MYO16: variants seen among roughly 807,000 people sequenced by gnomAD.
The protein encoded by MYO16 is unconventional myosin-XVI.
MYO16 carries 94 observed loss-of-function variants against 205.3 expected under a neutral mutation model. The ratio of observed to expected loss-of-function variants is 0.46; its 90% CI spans 0.39 to 0.54. MYO16 has a LOEUF of 0.54. MYO16 is among the 20% of genes least tolerant of loss of function. MYO16 has a pLI of 0.00. For synonymous variants in MYO16, 988 were observed against 954.0 expected, an observed-to-expected ratio of 1.04 and a Z score of -0.66; for missense variants, 2,315 against 2,387.5, an observed-to-expected ratio of 0.97 and a Z score of 0.63.
intron 4 of MYO16, among the ~76,000 whole-genome samples, chr13:108,754,192 GGACAAGCTGTAGCATGCAA>G (rs1395593242): frequency 0.032 from 4,867 of 151,626 alleles, 299 homozygotes; most frequent in African/African-American, 0.11. Flanking sequence ...GTAGCATGCA[GGACAAGCTGTAGCATGCAA>G]GACAAGCTGT....
chr13:108,780,601 A>T (rs1886270547), intron 4 of MYO16, among the ~76,000 whole-genome samples: 1 of 152,232 alleles, frequency 6.6e-6, no homozygotes, highest in South Asian at 2.1e-4. Context: ...AAGGAAGGTC[A>T]GAAAATTTAG....
At chr13:109,119,343 G>A (rs1875874555) in intron 28 of MYO16, among the ~76,000 whole-genome samples, 1 of 152,160 alleles carries the variant, frequency 6.6e-6, no homozygotes, top group Admixed American at 6.5e-5. Context: ...CACTTTAATG[G>A]TGTTTGTCTC....
chr13:108,549,727 C>A, the MYO16 span, among the ~76,000 whole-genome samples: 1 of 151,948 alleles, frequency 6.6e-6, no homozygotes, highest in Non-Finnish European at 1.5e-5. Context: ...TTGAGATGAA[C>A]AACTTTCAGA....
At chr13:108,935,819 GTT>G (rs796450434) in intron 16 of MYO16, among the ~76,000 whole-genome samples, 4 of 145,582 alleles carry the variant, frequency 2.7e-5, no homozygotes, top group African/African-American at 1.0e-4. Flanking sequence ...TTTCTTGAGG[GTT>G]TTTTTTTTTA....
At chr13:109,202,048 G>C (rs1268307872) in intron 34 of MYO16, among the ~76,000 whole-genome samples, 1 of 151,460 alleles carries the variant, frequency 6.6e-6, no homozygotes, top group Non-Finnish European at 1.5e-5. Flanking sequence ...CATATATGGG[G>C]TATATATATA....
At chr13:108,885,399 T>G (rs920079729) in intron 13 of MYO16, among the ~76,000 whole-genome samples, 4 of 151,572 alleles carry the variant, frequency 2.6e-5, no homozygotes, top group Non-Finnish European at 5.9e-5. Flanking sequence ...GGATTACAGG[T>G]GTGAGCTACT....
chr13:108,623,764 A>G (rs1200991104), intron 1 of MYO16, among the ~76,000 whole-genome samples: 8 of 152,156 alleles, frequency 5.3e-5, no homozygotes, highest in Admixed American at 5.2e-4. Context: ...TGGACTTCAT[A>G]GGAAATAGGA....
chr13:109,034,644 T>C lies in MYO16; in HGVS notation c.2797-12272T>C, dbSNP rs115739596. Among the ~76,000 whole-genome samples the C allele has an allele frequency of 2.5e-3, 386 of 152,302 alleles. 5 individuals carry two copies. The highest frequency in any genetic ancestry group is 8.8e-3 in the African/African-American group (367 of 41,572). On this transcript the variant is annotated intron_variant, in intron 23 of 34. Transcript: ENST00000457511. ...ACAACATGTAACATATTTTACAAAATATTTTTAAAAGGTTAGTCCCTGCTG... is the reference window on the plus strand; with the variant it reads ...ACAACATGTAACATATTTTACAAAACATTTTTAAAAGGTTAGTCCCTGCTG...
chr13:108,531,428 G>T, the MYO16 span, among the ~76,000 whole-genome samples: 1 of 152,268 alleles, frequency 6.6e-6, no homozygotes. Flanking sequence ...GAAGTGGAGA[G>T]AAGTGGATGC....
At chr13:109,106,829 C>T (rs183158098) in intron 28 of MYO16, among the ~76,000 whole-genome samples, 18 of 152,218 alleles carry the variant, frequency 1.2e-4, no homozygotes, top group Admixed American at 1.2e-3. Flanking sequence ...TCGAGAACTT[C>T]GGGGTGAAAG....
chr13:109,126,256 T>A (rs1312780990), intron 30 of MYO16, among the ~76,000 whole-genome samples: 1 of 152,190 alleles, frequency 6.6e-6, no homozygotes, highest in Non-Finnish European at 1.5e-5. Flanking sequence ...AAAAAAAGAC[T>A]GTAATTAAAC....
At chr13:108,537,595 T>C in the MYO16 span, among the ~76,000 whole-genome samples, 1 of 152,136 alleles carries the variant, frequency 6.6e-6, no homozygotes, top group Non-Finnish European at 1.5e-5. Context: ...ATAGAGGTTG[T>C]ACTAATTTAC....
rs145722511 is a variant in MYO16, at chr13:109,206,782, G to A, written c.5589G>A (p.Pro1863=). 732 of 1,614,176 alleles carry A rather than the reference G, an allele frequency of 4.5e-4. No individual in the cohort carries two copies. Among genetic ancestry groups the A allele is most frequent in the Non-Finnish European group, 4.7e-4 (554 of 1,180,020 alleles). The part of the protein sequence containing the change: ...PCKKPSLLKK[P]EGASCNRLPS... ...AGAAGCCCAGCCTTCTGAAGAAGCCGGAAGGGGCCTCCTGCAACAGGCTGC... is the reference window on the plus strand; with the variant it reads ...AGAAGCCCAGCCTTCTGAAGAAGCCAGAAGGGGCCTCCTGCAACAGGCTGC... Residue 1863 remains proline (P), a synonymous_variant, in exon 35 of 35, where the codon CCG becomes CCA. Transcript: ENST00000457511.
the MYO16 span, among the ~76,000 whole-genome samples, chr13:108,507,306 G>A: frequency 1.3e-5 from 2 of 152,046 alleles, no homozygotes; most frequent in African/African-American, 4.8e-5. Flanking sequence ...TCTTAAGGCG[G>A]TCTGGTGGTG....
In MYO16 at chr13:109,140,548, A is replaced by G; in HGVS notation, c.4336A>G (p.Ser1446Gly). ...GCTGGGGCACGCGGCCAGGCCCGAT[A>G]GCCCGGACCCCGGGGAGTCCGTGTA... is the stretch of plus-strand genomic sequence containing the variant. ...EMLGHAARPD[S>G]PDPGESVYEE... The change falls in exon 32 of 35, where the codon AGC (serine) becomes GGC (glycine). Residue 1446 changes from serine (S) to glycine (G), a missense_variant. Coordinates refer to ENST00000457511, the MANE Select transcript of MYO16 (RefSeq NM_001198950.3). This position sits in a 1 kb window ranked among gnomAD's most constrained non-coding sequence, Gnocchi z 8.0. 1 of 1,545,926 alleles carries G rather than the reference A, an allele frequency of 6.5e-7. No homozygotes were observed. Among genetic ancestry groups the G allele is most frequent in the Non-Finnish European group, 8.7e-7 (1 of 1,153,582 alleles).
rs770569857 is a variant in MYO16 at position 108,712,739 on chromosome 13, C to A, written c.363+8C>A. 1.2e-6 allele frequency: 2 copies of A among 1,610,542 alleles called. No individual in the cohort carries two copies. The highest frequency in any genetic ancestry group is 1.7e-6 in the Non-Finnish European group (2 of 1,178,516). ...GGGTCCCTGCTCCATCTGGTAAGAA[C>A]CGCGACAGTCAGTGCCAGTGCATGG... is the stretch of plus-strand genomic sequence containing the variant. On this transcript the variant is annotated splice_region_variant and intron_variant, in intron 3 of 34. Coordinates refer to ENST00000457511, the MANE Select transcript of MYO16 (RefSeq NM_001198950.3).
At chr13:108,921,748 G>T (rs1881754235) in intron 16 of MYO16, among the ~76,000 whole-genome samples, 1 of 152,188 alleles carries the variant, frequency 6.6e-6, no homozygotes, top group Non-Finnish European at 1.5e-5. Flanking sequence ...AAAGCAGCAG[G>T]CTTATTAGTT....
chr13:109,176,601 A>AAAAAAAAAAAAAAAAT, intron 33 of MYO16, among the ~76,000 whole-genome samples: 1 of 148,356 alleles, frequency 6.7e-6, no homozygotes, highest in East Asian at 1.9e-4. Context: ...AAAAAAAAAA[A>AAAAAAAAAAAAAAAAT]GACCTCCTTT....
intron 4 of MYO16, among the ~76,000 whole-genome samples, chr13:108,729,295 CT>C (rs1884444186): frequency 6.6e-6 from 1 of 152,088 alleles, no homozygotes; most frequent in Admixed American, 6.5e-5. Context: ...ACCAAATCGC[CT>C]TTCGAGTAAT....
Sources: gnomAD v4.1 joint callset for allele counts (sites outside exome capture counted in the v4.1 genomes callset) on GRCh38, gnomAD v4.1.1 for gene constraint, Gnocchi (gnomAD v3.1) non-coding constraint, MANE v1.5 for transcripts, NCBI Gene and HGNC (gene_info 2026-07-23, HGNC 2026-07-21) for gene names.